Variants in FRS2 observed in about 807,000 individuals in gnomAD.
The protein encoded by FRS2 is FGFR signalling adaptor.
In FRS2, 8 loss-of-function variants were observed where a neutral mutation model predicts 43.9. The ratio of observed to expected loss-of-function variants is 0.18; its 90% CI spans 0.11 to 0.33. FRS2 has a LOEUF of 0.33. Ranked by LOEUF, FRS2 falls within the 10% of genes least tolerant of loss-of-function variation. The probability of loss-of-function intolerance (pLI) is 1.00; values close to 1 mark genes in which losing one functional copy is unlikely to be tolerated. For missense variants in FRS2, 534 were observed against 627.6 expected, an observed-to-expected ratio of 0.85 and a Z score of 1.59; for synonymous variants, 219 against 220.3, an observed-to-expected ratio of 0.99 and a Z score of 0.05.
chr12:69,540,969 G>GA (rs1439344353), intron 3 of FRS2, among the ~76,000 whole-genome samples: 3 of 152,162 alleles, frequency 2.0e-5, no homozygotes, highest in Non-Finnish European at 4.4e-5. Flanking sequence ...AGGTGCTCCT[G>GA]AAAATGGTCA....
intron 3 of FRS2, among the ~76,000 whole-genome samples, chr12:69,540,231 C>T (rs773313011): frequency 4.0e-5 from 6 of 150,244 alleles, no homozygotes; most frequent in Non-Finnish European, 7.4e-5. Context: ...CCAGCCTGGA[C>T]GACAAAGCGA....
chr12:69,506,746 A>G (rs570431228), intron 1 of FRS2, among the ~76,000 whole-genome samples: 1 of 152,270 alleles, frequency 6.6e-6, no homozygotes, highest in South Asian at 2.1e-4. Flanking sequence ...TTAATGTCTT[A>G]ATATTGGCAG....
In FRS2 at chr12:69,576,945, A is replaced by G. The variant is rs887119192; in HGVS notation, c.*1990A>G. On this transcript the variant is annotated 3_prime_UTR_variant, in exon 9 of 9. Transcript: ENST00000549921. Reference sequence around the variant, plus strand: ...TATCCTTTCTTCTGAGTAAATTGCTAATTGTGCCAAATTTATGTAATAGTT... The same window carrying G: ...TATCCTTTCTTCTGAGTAAATTGCTGATTGTGCCAAATTTATGTAATAGTT... 1 of 152,594 alleles carries G rather than the reference A, an allele frequency of 6.6e-6. No homozygotes were observed. 9.5% of individuals were successfully genotyped at this position (152,594 alleles called of 1,614,324 possible). A position where few individuals can be genotyped will look rare whatever the true frequency, so the allele number is the denominator to read the frequency against.
intron 1 of FRS2, among the ~76,000 whole-genome samples, chr12:69,520,936 AT>A (rs1227292634): frequency 2.6e-5 from 4 of 151,322 alleles, no homozygotes; most frequent in Admixed American, 6.6e-5. Flanking sequence ...AAATTAAAAA[AT>A]TTTTTTTTCT....
chr12:69,551,368 A>G (rs1166483060), intron 3 of FRS2, among the ~76,000 whole-genome samples: 5 of 88,736 alleles, frequency 5.6e-5, no homozygotes, highest in Non-Finnish European at 9.3e-5. Context: ...AAACAAACAA[A>G]CAAACCCAAC....
intron 3 of FRS2, among the ~76,000 whole-genome samples, chr12:69,542,316 C>T (rs1052424008): frequency 9.2e-5 from 14 of 152,054 alleles, no homozygotes; most frequent in African/African-American, 3.4e-4. Context: ...TATAGTTGGT[C>T]GTTCGTATCC....
At chr12:69,501,960 G>GTT (rs1235764553) in intron 1 of FRS2, among the ~76,000 whole-genome samples, 9 of 127,516 alleles carry the variant, frequency 7.1e-5, no homozygotes, top group East Asian at 5.1e-4. Context: ...TGTTTTTTTT[G>GTT]TTTTGTTTTT....
At chr12:69,537,202 C>T (rs1407747376) in intron 3 of FRS2, among the ~76,000 whole-genome samples, 3 of 152,096 alleles carry the variant, frequency 2.0e-5, no homozygotes, top group Admixed American at 6.6e-5. Flanking sequence ...TTGGCATATT[C>T]TTCTTATGCA....
chr12:69,561,475 G>C (rs1879871438), intron 3 of FRS2, among the ~76,000 whole-genome samples: 1 of 152,188 alleles, frequency 6.6e-6, no homozygotes, highest in Admixed American at 6.5e-5. Flanking sequence ...TAGGTTTTCA[G>C]TAAATTTTAG....
intron 3 of FRS2, among the ~76,000 whole-genome samples, chr12:69,556,338 T>C (rs1879348630): frequency 6.6e-6 from 1 of 151,990 alleles, no homozygotes. Context: ...TCTTTCTTTC[T>C]TTCTTTCTTT....
rs748771108 is a variant in FRS2 at position 69,574,793 on chromosome 12, G to A, written c.1365G>A (p.Thr455=). 7.4e-6 allele frequency: 12 copies of A among 1,613,948 alleles called. No individual in the cohort carries two copies. Among genetic ancestry groups the A allele is most frequent in the Non-Finnish European group, 1.0e-5 (12 of 1,180,032 alleles). The change falls in exon 9 of 9, where the codon ACG becomes ACA. Residue 455 remains threonine (T), a synonymous_variant. Transcript: ENST00000549921. ...SDSDNPQTPK[T]PTTPLPQTPT... ...CTGACAACCCTCAGACTCCAAAAACGCCTACAACTCCCCTTCCACAAACCC... is the reference window on the plus strand; with the variant it reads ...CTGACAACCCTCAGACTCCAAAAACACCTACAACTCCCCTTCCACAAACCC...
chr12:69,568,164 G>T (rs1880449871), intron 4 of FRS2, among the ~76,000 whole-genome samples: 1 of 152,108 alleles, frequency 6.6e-6, no homozygotes, highest in Non-Finnish European at 1.5e-5. Flanking sequence ...AACCTTCTAT[G>T]GGAAAGGAGT....
In FRS2 at chr12:69,576,257, T is replaced by C. The variant is rs1295248872; in HGVS notation, c.*1302T>C. The stretch of plus-strand genomic sequence containing the variant: ...CTCAGCTCTGCTGTCCTTTTACTTG[T>C]AGCTGGATCTTTGATTATCCTTCGA... On this transcript the variant is annotated 3_prime_UTR_variant, in exon 9 of 9. Coordinates refer to ENST00000549921, the MANE Select transcript of FRS2 (RefSeq NM_001278356.2). 6.6e-6 allele frequency: 1 copy of C among 152,252 alleles called. No homozygotes were observed. Among genetic ancestry groups the C allele is most frequent in the East Asian group, 1.9e-4 (1 of 5,204 alleles). The allele number at this position is 152,252 out of a possible 1,614,324, so 9.4% of individuals were successfully genotyped here.
chr12:69,516,570 G>T (rs1025023635), intron 1 of FRS2, among the ~76,000 whole-genome samples: 3 of 152,152 alleles, frequency 2.0e-5, no homozygotes, highest in African/African-American at 4.8e-5. Flanking sequence ...TAGACCGTCT[G>T]AATGTGGGCT....
At chr12:69,524,018 G>A (rs148216582) in intron 1 of FRS2, among the ~76,000 whole-genome samples, 4 of 152,328 alleles carry the variant, frequency 2.6e-5, no homozygotes, top group East Asian at 1.9e-4. Context: ...GCTAGCCAGC[G>A]CCGGGGTGCC....
intron 1 of FRS2, chr12:69,486,152 C>G (rs1162921793): frequency 6.6e-6 from 1 of 150,676 alleles, no homozygotes; most frequent in African/African-American, 2.4e-5. Context: ...ACAGGCATAC[C>G]TCATTTTTTT....
At chr12:69,512,386 A>G (rs142115544) in intron 1 of FRS2, among the ~76,000 whole-genome samples, 52 of 152,298 alleles carry the variant, frequency 3.4e-4, no homozygotes, top group African/African-American at 1.2e-3. Context: ...CTAGTTTGTA[A>G]GACTTATTTG....
intron 3 of FRS2, among the ~76,000 whole-genome samples, chr12:69,557,623 C>CGCGCGT (rs1555192561): frequency 1.8e-4 from 18 of 99,354 alleles, no homozygotes; most frequent in Non-Finnish European, 3.1e-4. Context: ...TGTGTGTGCG[C>CGCGCGT]GCGCGCGCGC....
chr12:69,572,252 A>T lies in FRS2; in HGVS notation c.547A>T (p.Thr183Ser). Residue 183 changes from threonine to serine, a missense_variant, in exon 8 of 9, where the codon ACA becomes TCA. Coordinates refer to ENST00000549921, the MANE Select transcript of FRS2 (RefSeq NM_001278356.2). ...ARLPSVGEES[T>S]HPLLVAEEQV... ...CCTGCCTTCAGTAGGGGAAGAATCTACACATCCTTTGCTTGTGGCTGAGGA... is the reference window on the plus strand; with the variant it reads ...CCTGCCTTCAGTAGGGGAAGAATCTTCACATCCTTTGCTTGTGGCTGAGGA... 3.7e-6 allele frequency: 6 copies of T among 1,613,926 alleles called. No individual in the cohort carries two copies. The highest frequency in any genetic ancestry group is 4.2e-6 in the Non-Finnish European group (5 of 1,179,824).
Sources: gnomAD v4.1 joint callset for allele counts (sites outside exome capture counted in the v4.1 genomes callset) on GRCh38, gnomAD v4.1.1 for gene constraint, MANE v1.5 for transcripts, NCBI Gene and HGNC (gene_info 2026-07-23, HGNC 2026-07-21) for gene names.